Variants in PITPNM3 observed in about 807,000 individuals in gnomAD.
PITPNM3 encodes membrane-associated phosphatidylinositol transfer protein 3.
In PITPNM3, 26 loss-of-function variants were observed where a neutral mutation model predicts 102.0. That is an observed-to-expected ratio of 0.25 (90% CI 0.19 to 0.35). The LOEUF is 0.35. PITPNM3 is among the 10% of genes least tolerant of loss of function. The probability of loss-of-function intolerance (pLI) is 1.00; values close to 1 mark genes in which losing one functional copy is unlikely to be tolerated. For missense variants in PITPNM3, 1,083 were observed against 1,346.1 expected (o/e 0.80, Z 3.06); for synonymous variants, 578 against 558.6 (o/e 1.03, Z -0.49).
At chr17:6,497,258 T>C (rs1376980904) in intron 4 of PITPNM3, among the ~76,000 whole-genome samples, 5 of 152,022 alleles carry the variant, frequency 3.3e-5, no homozygotes, top group African/African-American at 1.2e-4. Context: ...GCTGAGGGTA[T>C]GTGGGAAGGG....
intron 17 of PITPNM3, among the ~76,000 whole-genome samples, chr17:6,462,913 CATGGAAGGCA>C (rs2150716674): frequency 6.6e-6 from 1 of 152,208 alleles, no homozygotes; most frequent in East Asian, 1.9e-4. Context: ...CCCTGGAGCC[CATGGAAGGCA>C]GTGGGAGGAT....
At chr17:6,550,265 T>C (rs1910236385) in intron 1 of PITPNM3, among the ~76,000 whole-genome samples, 1 of 152,220 alleles carries the variant, frequency 6.6e-6, no homozygotes, top group African/African-American at 2.4e-5. Context: ...TTATGTGTGA[T>C]TCTAGCCCTA....
chr17:6,482,921 A>G (rs957131370), intron 6 of PITPNM3, among the ~76,000 whole-genome samples: 5 of 151,482 alleles, frequency 3.3e-5, no homozygotes, highest in African/African-American at 1.2e-4. Context: ...CCCTGGGGGA[A>G]ACTAGCTAAA....
intron 4 of PITPNM3, among the ~76,000 whole-genome samples, chr17:6,496,620 T>C (rs1350515128): frequency 6.6e-6 from 1 of 152,156 alleles, no homozygotes; most frequent in Non-Finnish European, 1.5e-5. Context: ...CTTCCCCTCC[T>C]CCGTCTCCCA....
At chr17:6,547,313 T>C (rs1343298995) in intron 1 of PITPNM3, among the ~76,000 whole-genome samples, 1 of 152,218 alleles carries the variant, frequency 6.6e-6, no homozygotes, top group Non-Finnish European at 1.5e-5. Flanking sequence ...TAAATACCCA[T>C]TAATTACCTT....
intron 2 of PITPNM3, among the ~76,000 whole-genome samples, chr17:6,535,280 A>G (rs1567692363): frequency 1.3e-5 from 2 of 152,124 alleles, no homozygotes; most frequent in Admixed American, 6.5e-5. Flanking sequence ...TCAGAAGCCC[A>G]TGGCCTGGTC....
rs1567670297 is a variant in PITPNM3 at position 6,482,030 on chromosome 17, CTCTCTG to C, written c.587+1481_587+1486del. On this transcript the variant is annotated intron_variant, in intron 6 of 19. Coordinates refer to ENST00000262483, the MANE Select transcript of PITPNM3 (RefSeq NM_031220.4). ...TCTCTCTCTCTCTCTCTCTCTCTCT[CTCTCTG>C]TCTGTCTCTCTCTCTCTCTCTCTCT... Among the ~76,000 whole-genome samples, 516 of 86,510 alleles carry C rather than the reference CTCTCTG, an allele frequency of 6.0e-3. 3 individuals carry two copies. Among genetic ancestry groups the C allele is most frequent in the Non-Finnish European group, 8.0e-3 (338 of 42,120 alleles). 56.8% of individuals were successfully genotyped at this position (86,510 alleles called of 152,430 possible). A position where few individuals can be genotyped will look rare whatever the true frequency, so the allele number is the denominator to read the frequency against.
chr17:6,461,313 G>T, intron 18 of PITPNM3, 60 bp downstream of exon 18: 5 of 1,558,546 alleles, frequency 3.2e-6, no homozygotes, highest in Admixed American at 1.7e-5. Context: ...GATGGGGAGC[G>T]GTGGAGAGGA....
chr17:6,536,564 C>G (rs75662989), intron 2 of PITPNM3, among the ~76,000 whole-genome samples: 1 of 152,046 alleles, frequency 6.6e-6, no homozygotes, highest in African/African-American at 2.4e-5. Context: ...GGGACAGCTC[C>G]CCACCTCCCA....
intron 1 of PITPNM3, among the ~76,000 whole-genome samples, chr17:6,554,234 C>T (rs945709811): frequency 6.7e-6 from 1 of 149,016 alleles, no homozygotes; most frequent in African/African-American, 2.5e-5. Context: ...GCAGGAGAAT[C>T]GCCTCAGCCC....
intron 1 of PITPNM3, among the ~76,000 whole-genome samples, chr17:6,554,244 C>A (rs1401866365): frequency 6.8e-6 from 1 of 146,350 alleles, no homozygotes; most frequent in African/African-American, 2.6e-5. Flanking sequence ...CGCCTCAGCC[C>A]AGGAGGCGGA....
At chr17:6,493,667 C>G (rs1906630585) in intron 4 of PITPNM3, among the ~76,000 whole-genome samples, 1 of 152,194 alleles carries the variant, frequency 6.6e-6, no homozygotes, top group South Asian at 2.1e-4. Context: ...CTTTCAGGGT[C>G]AGAATCTAAT....
intron 3 of PITPNM3, among the ~76,000 whole-genome samples, chr17:6,507,272 C>T (rs148732933): frequency 0.011 from 1,642 of 152,200 alleles, 32 homozygotes; most frequent in African/African-American, 0.037. Flanking sequence ...TGCACTGTCC[C>T]GTCAGACTTC....
In PITPNM3 at chr17:6,457,400, C is replaced by T. The variant is rs1167200089; in HGVS notation, c.2619+194G>A. On this transcript the variant is annotated intron_variant, in intron 19 of 19. Coordinates refer to ENST00000262483, the MANE Select transcript of PITPNM3 (RefSeq NM_031220.4). The surrounding 1 kb of genome is among the most constrained non-coding windows in gnomAD (Gnocchi z 4.7). ...CACTGAAGTTCATTGCATCTGGCTC[C>T]ACTTGGGATTCTCCCCCTGCACCCA... is the stretch of plus-strand genomic sequence containing the variant. 6.6e-6 allele frequency among the ~76,000 whole-genome samples: 1 copy of T among 152,258 alleles called. No individual in the cohort carries two copies. The highest frequency in any genetic ancestry group is 1.9e-4 in the East Asian group (1 of 5,198).
chr17:6,520,171 C>A (rs1908427107), intron 3 of PITPNM3, among the ~76,000 whole-genome samples: 1 of 152,102 alleles, frequency 6.6e-6, no homozygotes, highest in South Asian at 2.1e-4. Flanking sequence ...CGTTTTTACC[C>A]GACCATTACA....
chr17:6,497,840 C>T (rs76796945), intron 4 of PITPNM3, among the ~76,000 whole-genome samples: 4,963 of 152,320 alleles, frequency 0.033, 213 homozygotes, highest in African/African-American at 0.099. Context: ...GCCCCCCAAC[C>T]CATCCTGCAT....
intron 2 of PITPNM3, among the ~76,000 whole-genome samples, chr17:6,535,508 T>TG (rs1909363810): frequency 6.6e-6 from 1 of 152,150 alleles, no homozygotes; most frequent in South Asian, 2.1e-4. Flanking sequence ...GCAGATGCTC[T>TG]GGAAGAGGGC....
rs886765463 is a variant in PITPNM3 at position 6,459,007 on chromosome 17, C to G, written c.2491-1285G>C. ...GCTTCCTCAGCCCACTGCCCCTCAC[C>G]TCAATGGTTGGTTTATTCCCAACTG... On this transcript the variant is annotated intron_variant, in intron 18 of 19. Transcript: ENST00000262483. The surrounding 1 kb of genome is among the most constrained non-coding windows in gnomAD (Gnocchi z 5.0). Among the ~76,000 whole-genome samples, 4 of 152,196 alleles carry G rather than the reference C, an allele frequency of 2.6e-5. No individual in the cohort carries two copies. Among genetic ancestry groups the G allele is most frequent in the African/African-American group, 9.7e-5 (4 of 41,446 alleles).
rs1913916994 is a variant in PITPNM3 at position 6,452,977 on chromosome 17, CCTCTCTCTCTCTCTCTGTCTTCCTTT to C, written c.*2335_*2360del. On this transcript the variant is annotated 3_prime_UTR_variant, in exon 20 of 20. Coordinates refer to ENST00000262483, the MANE Select transcript of PITPNM3 (RefSeq NM_031220.4). ...CTCTCTTCCTCTCTCTCTCTCTCTT[CCTCTCTCTCTCTCTCTGTCTTCCTTT>C]CTCTCTCTCTCTCTCTCTCTGCCTT... 7.5e-6 allele frequency: 1 copy of C among 133,662 alleles called. No individual in the cohort carries two copies. Among genetic ancestry groups the C allele is most frequent in the South Asian group, 2.5e-4 (1 of 4,040 alleles). The allele number at this position is 133,662 out of a possible 1,614,324, so 8.3% of individuals were successfully genotyped here. A position where few individuals can be genotyped will look rare whatever the true frequency, so the allele number is the denominator to read the frequency against.
Sources: allele counts gnomAD v4.1 joint callset (sites outside exome capture counted in the v4.1 genomes callset), GRCh38; gene constraint gnomAD v4.1.1; non-coding constraint Gnocchi (gnomAD v3.1); transcripts MANE v1.5; gene names NCBI Gene and HGNC (gene_info 2026-07-23, HGNC 2026-07-21).